STAR: variants seen among roughly 807,000 people sequenced by gnomAD.
The protein encoded by STAR is steroidogenic acute regulatory protein, also known as steroidogenic acute regulatory protein, mitochondrial.
A neutral mutation model predicts 32.3 loss-of-function variants in STAR; 32 were observed. The ratio of observed to expected loss-of-function variants is 0.99; its 90% CI spans 0.75 to 1.33. The LOEUF (loss-of-function observed/expected upper bound fraction) is 1.33, where lower values mean the gene tolerates loss of function less well. Among genes scored for constraint, STAR ranks in the 40% most tolerant of loss-of-function variants. STAR has a pLI of 0.00. For synonymous variants in STAR, 134 were observed against 140.5 expected, an observed-to-expected ratio of 0.95 and a Z score of 0.33; for missense variants, 375 against 379.0, an observed-to-expected ratio of 0.99 and a Z score of 0.09.
chr8:38,148,365 TCTC>T (rs764536823), intron 2 of STAR, 38 bp from the exon 3 acceptor site: 2 of 1,612,172 alleles, frequency 1.2e-6, no homozygotes, highest in South Asian at 2.2e-5. Context: ...GCTTCCTTCT[TCTC>T]CCAGCCTCCA....
chr8:38,146,483 C>T, intron 3 of STAR, 36 bp from the exon 4 acceptor site: 2 of 1,609,906 alleles, frequency 1.2e-6, no homozygotes, highest in Non-Finnish European at 8.5e-7. Flanking sequence ...GGTGGTTAGA[C>T]AAAAATATTC....
chr8:38,145,352 C>A (rs750796370), intron 5 of STAR, 37 bp from the exon 6 acceptor site: 91 of 1,613,458 alleles, frequency 5.6e-5, no homozygotes, highest in Non-Finnish European at 7.5e-5. Context: ...AGGACAGTTG[C>A]GAGTTCTCTC....
intron 2 of STAR, 41 bp from the exon 3 acceptor site, chr8:38,148,368 C>G (rs1404585051): frequency 6.2e-7 from 1 of 1,612,010 alleles, no homozygotes; most frequent in Non-Finnish European, 8.5e-7. Flanking sequence ...TCCTTCTTCT[C>G]CCAGCCTCCA....
chr8:38,148,280 G>A lies in STAR; in HGVS notation c.226C>T (p.Leu76Phe). The change falls in exon 3 of 7, where the codon CTC becomes TTC. Residue 76 changes from leucine (L) to phenylalanine (F), a missense_variant. Leu to Phe is a conservative substitution (Grantham distance 22, BLOSUM62 0). Transcript: ENST00000276449. ...TGCATGGCCTCCTCCCCCTGCTGGA[G>A]ATAGGCCAGCTCCTGGTCACTGTAG... The part of the protein sequence containing the change: ...TLYSDQELAY[L>F]QQGEEAMQKA... The A allele has an allele frequency of 6.2e-7, 1 of 1,614,094 alleles. No homozygotes were observed. The highest frequency in any genetic ancestry group is 8.5e-7 in the Non-Finnish European group (1 of 1,179,990).
At chr8:38,148,429 G>T (rs752003576) in intron 2 of STAR, 102 bp from the exon 3 acceptor site, 23 of 1,561,786 alleles carry the variant, frequency 1.5e-5, no homozygotes, top group African/African-American at 1.4e-5. Flanking sequence ...TGAAGAGCCC[G>T]GACTAAAGCC....
At position 38,145,295 on chromosome 8, in the gene STAR, C is replaced by T; in HGVS notation, c.671G>A (p.Cys224Tyr). The change falls in exon 6 of 7, where the codon TGC becomes TAC. Residue 224 changes from cysteine to tyrosine, a missense_variant. By Grantham distance (194) the Cys-to-Tyr change is radical (BLOSUM62 -2). Transcript: ENST00000276449. ...TCCAGCCAACGGGTGAAGCACCATGCAAGTGGGACCGTGCTCCGCCCTGGC... is the reference window on the plus strand; with the variant it reads ...TCCAGCCAACGGGTGAAGCACCATGTAAGTGGGACCGTGCTCCGCCCTGGC... ...GVIRAEHGPT[C>Y]MVLHPLAGSP... is the part of the protein sequence containing the mutation. 1 of 1,614,176 alleles carries T rather than the reference C, an allele frequency of 6.2e-7. No individual in the cohort carries two copies. Among genetic ancestry groups the T allele is most frequent in the South Asian group, 1.1e-5 (1 of 91,084 alleles).
In STAR at chr8:38,148,245, C is replaced by T. The variant is rs570705755; in HGVS notation, c.261G>A (p.Leu87=). 2 of 1,614,124 alleles carry T rather than the reference C, an allele frequency of 1.2e-6. No individual in the cohort carries two copies. The highest frequency in any genetic ancestry group is 2.2e-5 in the East Asian group (1 of 44,872). The change falls in exon 3 of 7, where the codon TTG becomes TTA. Residue 87 remains leucine (L), a synonymous_variant. Coordinates refer to ENST00000276449, the MANE Select transcript of STAR (RefSeq NM_000349.3). ...AGCCCTCTTGGTTGCTAAGGATGCC[C>T]AAGGCCTTCTGCATGGCCTCCTCCC... The part of the protein sequence containing the change: ...QQGEEAMQKA[L]GILSNQEGWK...
Position 38,145,693 on chromosome 8 carries a change from A to C in STAR, c.650+270T>G, listed in dbSNP as rs993043156. The C allele has an allele frequency of 5.2e-6, 3 of 581,628 alleles. No individual in the cohort carries two copies. The East Asian group carries it at 8.8e-5, about 17-fold the overall frequency. The allele number at this position is 581,628 out of a possible 1,614,324, so 36.0% of individuals were successfully genotyped here. A position where few individuals can be genotyped will look rare whatever the true frequency, so the allele number is the denominator to read the frequency against. ...CATTACAGCTGTTCCTGAGCGTACC[A>C]GGTGAACCTCAGCCCTGCCCCATGC... is the stretch of plus-strand genomic sequence containing the variant. On this transcript the variant is annotated intron_variant, in intron 5 of 6. Coordinates refer to ENST00000276449, the MANE Select transcript of STAR (RefSeq NM_000349.3).
At chr8:38,149,883 C>T (rs1337101650) in intron 1 of STAR, among the ~76,000 whole-genome samples, 1 of 152,134 alleles carries the variant, frequency 6.6e-6, no homozygotes, top group Non-Finnish European at 1.5e-5. Flanking sequence ...ATAATCCCAG[C>T]AGTTTGGGAG....
chr8:38,146,185 T>C, intron 4 of STAR, 38 bp from the exon 5 acceptor site: 1 of 1,613,744 alleles, frequency 6.2e-7, no homozygotes, highest in Non-Finnish European at 8.5e-7. Flanking sequence ...CGACTCAGCC[T>C]GTGTTGGGCT....
Position 38,146,038 on chromosome 8 carries a change from C to A in STAR, c.575G>T (p.Arg192Leu). The A allele has an allele frequency of 6.2e-7, 1 of 1,614,240 alleles. No homozygotes were observed. The highest frequency in any genetic ancestry group is 1.7e-5 in the Admixed American group (1 of 60,028). Reference protein sequence around the residue: ...RDFVSVRCAKRRGSTCVLAGM... With the variant: ...RDFVSVRCAKLRGSTCVLAGM... ...AGCCAGCACACAGGTGGAGCCTCGG[C>A]GCTTGGCACAGCGCACGCTCACAAA... Residue 192 changes from arginine to leucine, a missense_variant, in exon 5 of 7, where the codon CGC becomes CTC. Transcript: ENST00000276449.
intron 5 of STAR, 131 bp from the exon 6 acceptor site, chr8:38,145,446 C>G: frequency 1.6e-6 from 2 of 1,266,204 alleles, no homozygotes; most frequent in Non-Finnish European, 2.2e-6. Flanking sequence ...GGGAAGTGCC[C>G]TTTGCAAAGG....
chr8:38,145,939 T>G, intron 5 of STAR, 24 bp downstream of exon 5: 2 of 1,612,352 alleles, frequency 1.2e-6, no homozygotes, highest in Non-Finnish European at 1.7e-6. Context: ...AAGAGGGGGG[T>G]TTGGAGCCTG....
rs1338969736 is a variant in STAR, at chr8:38,148,621, C to A, written c.178+20G>T. On this transcript the variant is annotated intron_variant, in intron 2 of 6. Transcript: ENST00000276449. Reference sequence around the variant, plus strand: ...ACCTCCTGCCAGCAGCACCAGGAGCCCAGAAGCCTCAGCACTTACCGAGTA... The same window carrying A: ...ACCTCCTGCCAGCAGCACCAGGAGCACAGAAGCCTCAGCACTTACCGAGTA... 10 of 1,610,092 alleles carry A rather than the reference C, an allele frequency of 6.2e-6. No individual in the cohort carries two copies. The Admixed American group carries it at 6.7e-5, about 11-fold the overall frequency.
chr8:38,144,048 A>C lies in STAR; in HGVS notation c.*225T>G. ...GGGCCTGAACCCTCATGTCATAGCTAATCAGTGAATGAAGTTACCTTTTAA... is the reference window on the plus strand; with the variant it reads ...GGGCCTGAACCCTCATGTCATAGCTCATCAGTGAATGAAGTTACCTTTTAA... On this transcript the variant is annotated 3_prime_UTR_variant, in exon 7 of 7. Transcript: ENST00000276449. 1.9e-6 allele frequency: 1 copy of C among 529,730 alleles called. No homozygotes were observed. The highest frequency in any genetic ancestry group is 3.5e-6 in the Non-Finnish European group (1 of 287,052). The allele number at this position is 529,730 out of a possible 1,614,324, so 32.8% of individuals were successfully genotyped here.
intron 1 of STAR, among the ~76,000 whole-genome samples, chr8:38,150,327 A>G (rs2466147): frequency 0.91 from 137,614 of 151,828 alleles, 62,999 homozygotes; most frequent in Non-Finnish European, 0.99. Flanking sequence ...TGAGCCCATG[A>G]GTTTGAGGCT....
chr8:38,149,854 AGCGCCATGGCTCAT>A (rs1267296124), intron 1 of STAR, among the ~76,000 whole-genome samples: 1 of 152,168 alleles, frequency 6.6e-6, no homozygotes, highest in East Asian at 1.9e-4. Flanking sequence ...AAATAGGCTG[AGCGCCATGGCTCAT>A]GCCTATAATC....
At chr8:38,146,591 G>A in intron 3 of STAR, 144 bp from the exon 4 acceptor site, 3 of 859,830 alleles carry the variant, frequency 3.5e-6, no homozygotes, top group Non-Finnish European at 5.4e-6. Flanking sequence ...GCCTGGCCAA[G>A]ATGGTGAAAC....
intron 6 of STAR, chr8:38,144,680 C>G (rs1040313894): frequency 8.2e-7 from 1 of 1,216,990 alleles, no homozygotes; most frequent in Admixed American, 3.5e-5. Context: ...AAGTTTCCTT[C>G]TTTCTAAAAT....
Sources: gnomAD v4.1 joint callset for allele counts (sites outside exome capture counted in the v4.1 genomes callset) on GRCh38, gnomAD v4.1.1 for gene constraint, MANE v1.5 for transcripts, NCBI Gene and HGNC (gene_info 2026-07-23, HGNC 2026-07-21) for gene names.